EIF2S3B: variants seen among roughly 807,000 people sequenced by gnomAD.
EIF2S3B encodes the protein eukaryotic translation initiation factor 2 subunit 3B.
EIF2S3B carries 16 observed loss-of-function variants against 26.4 expected under a neutral mutation model. That is an observed-to-expected ratio of 0.61 (90% confidence interval 0.41 to 0.92). The LOEUF (loss-of-function observed/expected upper bound fraction) is 0.92, where lower values mean the gene tolerates loss of function less well. Among genes scored for constraint, EIF2S3B ranks in the 40% least tolerant of loss-of-function variants. The pLI is 0.00. For missense variants in EIF2S3B, 510 were observed against 575.5 expected (o/e 0.89, Z 1.16); for synonymous variants, 183 against 204.4 (o/e 0.90, Z 0.89).
downstream of EIF2S3B, among the ~76,000 whole-genome samples, chr12:10,510,617 C>T (rs17809278): frequency 0.14 from 21,535 of 152,182 alleles, 1,561 homozygotes; most frequent in Middle Eastern, 0.17. Context: ...ACGTACTTCA[C>T]TGCTTACTTC....
chr12:10,515,237 AT>A (rs2137950714), intron 1 of EIF2S3B, among the ~76,000 whole-genome samples: 1 of 152,180 alleles, frequency 6.6e-6, no homozygotes, highest in South Asian at 2.1e-4. Context: ...AAGATGTTAT[AT>A]GACATTCATC....
chr12:10,517,273 T>C (rs1178020060), intron 1 of EIF2S3B, among the ~76,000 whole-genome samples: 8 of 152,266 alleles, frequency 5.3e-5, no homozygotes, highest in African/African-American at 1.9e-4. Flanking sequence ...CTATTGATTA[T>C]TGCCACAATT....
intron 1 of EIF2S3B, among the ~76,000 whole-genome samples, chr12:10,516,317 A>C (rs1264936258): frequency 6.6e-6 from 1 of 152,096 alleles, no homozygotes; most frequent in East Asian, 1.9e-4. Flanking sequence ...ACTCATGCAT[A>C]TATCGTAAGC....
In EIF2S3B at chr12:10,506,564, T is replaced by C. The variant is rs555719925; in HGVS notation, c.662T>C (p.Ile221Thr). ...GGTACAGTAGCAGAGGGAGCTCCCA[T>C]TATTCCAATTTCGGCTCAGCTGAAA... ...VQGTVAEGAP[I>T]IPISAQLKYN... Residue 221 changes from isoleucine to threonine, a missense_variant, in exon 1 of 1, where the codon ATT (isoleucine) becomes ACT (threonine). Transcript: ENST00000538173. 6.5e-5 allele frequency: 103 copies of C among 1,594,408 alleles called. 1 individual carries two copies. The African/African-American group carries it at 1.4e-3, about 21-fold the overall frequency.
chr12:10,511,778 T>C (rs1209179313), downstream of EIF2S3B, among the ~76,000 whole-genome samples: 1 of 152,200 alleles, frequency 6.6e-6, no homozygotes, highest in Non-Finnish European at 1.5e-5. Context: ...AAAGAGCTTA[T>C]ACAGCTACTT....
intron 1 of EIF2S3B, chr12:10,522,491 G>A (rs1336326636): frequency 1.9e-5 from 10 of 536,284 alleles, no homozygotes; most frequent in Non-Finnish European, 2.3e-5. Flanking sequence ...TAATGGAGCT[G>A]GGAGAATTAA....
rs1864665607 is a variant in EIF2S3B, at chr12:10,508,179, G to C, written c.*858G>C. Among the ~76,000 whole-genome samples, 1 of 152,094 alleles carries C rather than the reference G, an allele frequency of 6.6e-6. No homozygotes were observed. Among genetic ancestry groups the C allele is most frequent in the Non-Finnish European group, 1.5e-5 (1 of 68,020 alleles). On this transcript the variant is annotated 3_prime_UTR_variant, in exon 1 of 1. Transcript: ENST00000538173. ...TTGCATGAAAAGGATGCACGAATGG[G>C]TTCGAATGAAATTGTCCTTTAGAGC... is the stretch of plus-strand genomic sequence containing the variant.
Position 10,506,113 on chromosome 12 carries a change from A to G in EIF2S3B, c.211A>G (p.Asn71Asp). The change falls in exon 1 of 1, where the codon AAT becomes GAT. Residue 71 changes from asparagine (N) to aspartate (D), a missense_variant. By Grantham distance (23) the Asn-to-Asp change is conservative. Coordinates refer to ENST00000538173, the MANE Select transcript of EIF2S3B (RefSeq NM_001357734.3). ...TGGAGTTCACACCGTCAGGTTCAAAAATGAACTAGAAAGAAATATTACAAT... is the reference window on the plus strand; with the variant it reads ...TGGAGTTCACACCGTCAGGTTCAAAGATGAACTAGAAAGAAATATTACAAT... Reference protein sequence around the residue: ...ISGVHTVRFKNELERNITIKL... With the variant: ...ISGVHTVRFKDELERNITIKL... 1 of 1,588,198 alleles carries G rather than the reference A, an allele frequency of 6.3e-7. No individual in the cohort carries two copies. The highest frequency in any genetic ancestry group is 8.6e-7 in the Non-Finnish European group (1 of 1,156,382).
Position 10,507,813 on chromosome 12 carries a change from T to C in EIF2S3B, c.*492T>C, listed in dbSNP as rs890208982. Among the ~76,000 whole-genome samples, 1 of 152,112 alleles carries C rather than the reference T, an allele frequency of 6.6e-6. No individual in the cohort carries two copies. Among genetic ancestry groups the C allele is most frequent in the African/African-American group, 2.4e-5 (1 of 41,422 alleles). ...GCATGTTGGCCAGGCCAGTCTCTCC[T>C]GACCTCAGGGTGATCAGCCCACCTC... On this transcript the variant is annotated 3_prime_UTR_variant, in exon 1 of 1. Coordinates refer to ENST00000538173, the MANE Select transcript of EIF2S3B (RefSeq NM_001357734.3).
Position 10,507,040 on chromosome 12 carries a change from C to G in EIF2S3B, c.1138C>G (p.Arg380Gly). The G allele has an allele frequency of 6.2e-7, 1 of 1,613,732 alleles. No homozygotes were observed. The highest frequency in any genetic ancestry group is 2.2e-5 in the East Asian group (1 of 44,880). ...GGAAATTTCCTATTTCCTGCTTAGA[C>G]GGCTTCTAGGTGTACGCACTGAAGG... Reference protein sequence around the residue: ...ELEISYFLLRRLLGVRTEGDK... With the variant: ...ELEISYFLLRGLLGVRTEGDK... The change falls in exon 1 of 1, where the codon CGG becomes GGG. Residue 380 changes from arginine (R) to glycine (G), a missense_variant. Physicochemically the swap from Arg to Gly is moderately radical, Grantham distance 125. Coordinates refer to ENST00000538173, the MANE Select transcript of EIF2S3B (RefSeq NM_001357734.3).
Position 10,505,921 on chromosome 12 carries a change from G to T in EIF2S3B, c.19G>T (p.Gly7Trp), listed in dbSNP as rs747453347. The change falls in exon 1 of 1, where the codon GGG becomes TGG. Residue 7 changes from glycine to tryptophan, a missense_variant. Physicochemically the swap from Gly to Trp is radical, Grantham distance 184 (BLOSUM62 -2). Coordinates refer to ENST00000538173, the MANE Select transcript of EIF2S3B (RefSeq NM_001357734.3). Reference sequence around the variant, plus strand: ...TGGCAACATGGCGGGCGGAGAAGCTGGGGTGACTCTGGGGCAGCCGCACCT... The same window carrying T: ...TGGCAACATGGCGGGCGGAGAAGCTTGGGTGACTCTGGGGCAGCCGCACCT... Reference protein sequence around the residue: MAGGEAGVTLGQPHLSR... With the variant: MAGGEAWVTLGQPHLSR... The T allele has an allele frequency of 6.3e-7, 1 of 1,598,416 alleles. No homozygotes were observed. Among genetic ancestry groups the T allele is most frequent in the South Asian group, 1.1e-5 (1 of 90,748 alleles).
At position 10,522,602 on chromosome 12, in the gene EIF2S3B, G is replaced by C; in HGVS notation, c.1309-1G>C. The C allele has an allele frequency of 1.5e-6, 1 of 686,058 alleles. No homozygotes were observed. The highest frequency in any genetic ancestry group is 2.7e-6 in the Non-Finnish European group (1 of 375,332). 42.5% of individuals were successfully genotyped at this position (686,058 alleles called of 1,614,324 possible). The stretch of plus-strand genomic sequence containing the variant: ...TCAACATCCATTGCATTCTCTTCCA[G>C]ATTCATCTAATTCACCTTGATTTGA... On this transcript the variant is annotated splice_acceptor_variant, in intron 1 of 1. Coordinates refer to the EIF2S3B transcript ENST00000322446. LOFTEE classifies it high-confidence loss of function.
downstream of EIF2S3B, among the ~76,000 whole-genome samples, chr12:10,508,525 C>CTAAAAAAAA (rs1864671182): frequency 1.6e-5 from 1 of 62,968 alleles, no homozygotes; most frequent in Non-Finnish European, 2.9e-5. Context: ...TGTTAGAAAG[C>CTAAAAAAAA]AAAAAAAAAA....
Position 10,508,137 on chromosome 12 carries a change from C to G in EIF2S3B, c.*816C>G, listed in dbSNP as rs569624170. ...TTTGAAATTTTGCATGAAAAGGATG[C>G]AATGAATGGGTTCGAATTGCATGAA... On this transcript the variant is annotated 3_prime_UTR_variant, in exon 1 of 1. Coordinates refer to ENST00000538173, the MANE Select transcript of EIF2S3B (RefSeq NM_001357734.3). Among the ~76,000 whole-genome samples the G allele has an allele frequency of 5.3e-4, 80 of 152,164 alleles. No homozygotes were observed. Among genetic ancestry groups the G allele is most frequent in the African/African-American group, 1.9e-3 (79 of 41,498 alleles).
intron 1 of EIF2S3B, among the ~76,000 whole-genome samples, chr12:10,517,059 G>C (rs1405047989): frequency 1.3e-5 from 2 of 151,474 alleles, no homozygotes; most frequent in African/African-American, 2.4e-5. Flanking sequence ...CAAGGATATT[G>C]GTCTAAAATT....
At chr12:10,515,023 C>T (rs938317909) in intron 1 of EIF2S3B, among the ~76,000 whole-genome samples, 4 of 152,106 alleles carry the variant, frequency 2.6e-5, no homozygotes, top group Non-Finnish European at 5.9e-5. Context: ...AAAAGACCCT[C>T]ATGAAGCTTC....
chr12:10,506,365 G>C lies in EIF2S3B; in HGVS notation c.463G>C (p.Ala155Pro). The C allele has an allele frequency of 6.2e-7, 1 of 1,614,132 alleles. No individual in the cohort carries two copies. The highest frequency in any genetic ancestry group is 8.5e-7 in the Non-Finnish European group (1 of 1,179,998). The change falls in exon 1 of 1, where the codon GCT (alanine) becomes CCT (proline). Residue 155 changes from alanine (A) to proline (P), a missense_variant. Transcript: ENST00000538173. The stretch of plus-strand genomic sequence containing the variant: ...GAACGGTGCAGCAGTGATGGATGCA[G>C]CTCTTCTGTTGATAGCTGGTAATGA... ...MLNGAAVMDA[A>P]LLLIAGNESC... is the part of the protein sequence containing the mutation.
downstream of EIF2S3B, among the ~76,000 whole-genome samples, chr12:10,511,154 C>G (rs750004157): frequency 8.6e-5 from 13 of 151,674 alleles, no homozygotes; most frequent in East Asian, 1.9e-4. Context: ...CATATTTGTA[C>G]TAGATGGTAA....
At chr12:10,521,497 G>GTA (rs1864832529) in intron 1 of EIF2S3B, among the ~76,000 whole-genome samples, 1 of 151,828 alleles carries the variant, frequency 6.6e-6, no homozygotes, top group Non-Finnish European at 1.5e-5. Context: ...CCATATATGT[G>GTA]TATATATGTA....
Sources: gnomAD v4.1 joint callset for allele counts (sites outside exome capture counted in the v4.1 genomes callset) on GRCh38, gnomAD v4.1.1 for gene constraint, MANE v1.5 for transcripts, NCBI Gene and HGNC (gene_info 2026-07-23, HGNC 2026-07-21) for gene names.